The following SPMIP11 variants were observed in gnomAD, a reference collection of about 807,000 sequenced individuals.
SPMIP11 encodes the protein long intergenic non-protein coding RNA 935.
chr12:48,768,497 G>T, the SPMIP11 span: 1 of 1,571,542 alleles, frequency 6.4e-7, no homozygotes, highest in South Asian at 1.1e-5. Context: ...GGGTCTGGAG[G>T]CTCAGTGCCC....
the SPMIP11 span, among the ~76,000 whole-genome samples, chr12:48,762,621 G>C: frequency 0.089 from 13,434 of 151,780 alleles, 804 homozygotes; most frequent in African/African-American, 0.18. Context: ...ACCTGCCTCG[G>C]CCTCCCAAAG....
At chr12:48,743,197 A>G in the SPMIP11 span, among the ~76,000 whole-genome samples, 3 of 151,738 alleles carry the variant, frequency 2.0e-5, no homozygotes, top group Non-Finnish European at 2.9e-5. Flanking sequence ...GTTCAAGATC[A>G]GCATGGCCAA....
chr12:48,749,635 CAAAAAAAAA>C, the SPMIP11 span, among the ~76,000 whole-genome samples: 13 of 56,532 alleles, frequency 2.3e-4, no homozygotes, highest in African/African-American at 6.4e-4. Context: ...AACTCGGTGT[CAAAAAAAAA>C]AAAAAAAAAA....
At chr12:48,768,222 C>A in the SPMIP11 span, 2 of 340,456 alleles carry the variant, frequency 5.9e-6, no homozygotes, top group Admixed American at 8.6e-5. Flanking sequence ...CAGCCCTGAA[C>A]CTGCTGCCCA....
At chr12:48,752,659 C>T in the SPMIP11 span, among the ~76,000 whole-genome samples, 2 of 149,306 alleles carry the variant, frequency 1.3e-5, no homozygotes, top group Non-Finnish European at 3.0e-5. Flanking sequence ...ACCTTGCTCT[C>T]CTATTTATTC....
the SPMIP11 span, among the ~76,000 whole-genome samples, chr12:48,734,053 T>A: frequency 1.3e-5 from 2 of 150,838 alleles, no homozygotes; most frequent in Admixed American, 1.3e-4. Flanking sequence ...ATTACAGACG[T>A]GAGCCATCCC....
the SPMIP11 span, chr12:48,768,189 A>G: frequency 1.1e-5 from 3 of 274,304 alleles, no homozygotes; most frequent in South Asian, 4.2e-5. Context: ...TATTCCCAGG[A>G]AAAAAGAGGG....
the SPMIP11 span, among the ~76,000 whole-genome samples, chr12:48,769,907 G>A: frequency 1.3e-5 from 2 of 151,434 alleles, no homozygotes; most frequent in African/African-American, 2.4e-5. Context: ...GACTATAGGC[G>A]CCCACCACCA....
chr12:48,748,966 T>C, the SPMIP11 span, among the ~76,000 whole-genome samples: 1 of 152,264 alleles, frequency 6.6e-6, no homozygotes, highest in East Asian at 1.9e-4. Context: ...TGTCCATCTA[T>C]AATTTCCTCT....
At chr12:48,758,285 A>G in the SPMIP11 span, among the ~76,000 whole-genome samples, 1 of 152,242 alleles carries the variant, frequency 6.6e-6, no homozygotes, top group South Asian at 2.1e-4. Flanking sequence ...AATGCTCAGA[A>G]TCATGCCATA....
chr12:48,755,465 C>CA, the SPMIP11 span, among the ~76,000 whole-genome samples: 1 of 152,176 alleles, frequency 6.6e-6, no homozygotes, highest in African/African-American at 2.4e-5. Context: ...TGCCCTTTCC[C>CA]AGTAGCTGTG....
chr12:48,764,747 C>T, the SPMIP11 span: 1 of 628,934 alleles, frequency 1.6e-6, no homozygotes, highest in East Asian at 2.8e-5. Flanking sequence ...CTGGTCCGGC[C>T]AAGCAGTTGC....
the SPMIP11 span, among the ~76,000 whole-genome samples, chr12:48,728,609 G>A: frequency 6.6e-6 from 1 of 150,930 alleles, no homozygotes. Context: ...TTGGGAGGCT[G>A]AGGCAGGAGA....
chr12:48,730,518 T>G, the SPMIP11 span, among the ~76,000 whole-genome samples: 1 of 152,240 alleles, frequency 6.6e-6, no homozygotes, highest in African/African-American at 2.4e-5. Flanking sequence ...AAGCACTTTA[T>G]AATAAACAAC....
chr12:48,758,404 T>A, the SPMIP11 span, among the ~76,000 whole-genome samples: 1 of 152,234 alleles, frequency 6.6e-6, no homozygotes, highest in East Asian at 1.9e-4. Context: ...GCAGCTTCAC[T>A]GCTGCCACCT....
chr12:48,747,360 C>A, the SPMIP11 span, among the ~76,000 whole-genome samples: 76 of 152,194 alleles, frequency 5.0e-4, no homozygotes, highest in Middle Eastern at 0.014. Context: ...AGGAGCTTGT[C>A]ATGTATAGAG....
At chr12:48,756,715 C>T in the SPMIP11 span, among the ~76,000 whole-genome samples, 2 of 151,574 alleles carry the variant, frequency 1.3e-5, no homozygotes, top group African/African-American at 4.8e-5. Flanking sequence ...ACTTCTGCTC[C>T]AGGAATACAG....
the SPMIP11 span, among the ~76,000 whole-genome samples, chr12:48,755,681 T>C: frequency 7.3e-3 from 1,114 of 152,112 alleles, 16 homozygotes; most frequent in African/African-American, 0.025. Flanking sequence ...TGACCATTCA[T>C]ATGGGAAGCC....
chr12:48,762,911 GTTTTT>G, the SPMIP11 span, among the ~76,000 whole-genome samples: 1 of 151,696 alleles, frequency 6.6e-6, no homozygotes, highest in Admixed American at 6.6e-5. Flanking sequence ...TTTTGTTTTT[GTTTTT>G]AATAGAGACA....
Sources: gnomAD v4.1 joint callset for allele counts (sites outside exome capture counted in the v4.1 genomes callset) on GRCh38, gnomAD v4.1.1 for gene constraint, MANE v1.5 for transcripts, NCBI Gene and HGNC (gene_info 2026-07-23, HGNC 2026-07-21) for gene names.